TMTC2: variants seen among roughly 807,000 people sequenced by gnomAD.
TMTC2 encodes the protein transmembrane O-mannosyltransferase targeting cadherins 2, also known as protein O-mannosyl-transferase TMTC2.
Under a neutral mutation model 82.4 loss-of-function variants are expected in TMTC2, and 43 were observed. The ratio of observed to expected loss-of-function variants is 0.52; its 90% CI spans 0.41 to 0.67. The LOEUF (loss-of-function observed/expected upper bound fraction) is 0.67. Ranked by LOEUF, TMTC2 falls within the 30% of genes least tolerant of loss-of-function variation. The probability of loss-of-function intolerance (pLI) is 0.00; values close to 1 mark genes in which losing one functional copy is unlikely to be tolerated. For synonymous variants in TMTC2, 408 were observed against 381.9 expected (o/e 1.07, Z -0.80); for missense variants, 919 against 1,012.4 (o/e 0.91, Z 1.25).
intron 2 of TMTC2, among the ~76,000 whole-genome samples, chr12:82,892,002 G>T (rs1484966650): frequency 6.6e-6 from 1 of 152,102 alleles, no homozygotes; most frequent in Admixed American, 6.5e-5. Flanking sequence ...AGAGGTTGAG[G>T]CTGCAGTAAG....
intron 2 of TMTC2, 109 bp from the exon 3 acceptor site, chr12:82,895,709 C>T (rs1873627437): frequency 1.0e-6 from 1 of 968,934 alleles, no homozygotes; most frequent in Admixed American, 2.9e-5. Flanking sequence ...AGACATCATG[C>T]TGTGTTTTTA....
At chr12:83,077,968 C>G (rs141276271) in intron 11 of TMTC2, among the ~76,000 whole-genome samples, 68 of 151,292 alleles carry the variant, frequency 4.5e-4, no homozygotes, top group Non-Finnish European at 7.7e-4. Context: ...TCCTCCCCCC[C>G]ACAATACCTA....
intron 9 of TMTC2, among the ~76,000 whole-genome samples, chr12:83,046,851 C>T (rs7304787): frequency 0.073 from 11,118 of 152,184 alleles, 465 homozygotes; most frequent in Middle Eastern, 0.095. Flanking sequence ...CATATTGGGA[C>T]AATTCTGATT....
intron 1 of TMTC2, among the ~76,000 whole-genome samples, chr12:82,721,180 A>G (rs533296505): frequency 7.2e-5 from 11 of 152,306 alleles, no homozygotes; most frequent in African/African-American, 2.6e-4. Context: ...TTCCTCCTCC[A>G]TCCAGTTTCT....
chr12:82,710,361 C>T (rs1471858992), intron 1 of TMTC2, among the ~76,000 whole-genome samples: 2 of 152,158 alleles, frequency 1.3e-5, no homozygotes, highest in Non-Finnish European at 2.9e-5. Flanking sequence ...TTTTCTCCAA[C>T]AAATATTTAA....
chr12:82,988,977 C>G (rs1030900632), intron 8 of TMTC2, among the ~76,000 whole-genome samples: 12 of 150,418 alleles, frequency 8.0e-5, no homozygotes, highest in Non-Finnish European at 1.6e-4. Context: ...ATTAAAAAGA[C>G]TGGAACTAAA....
chr12:82,948,702 A>C (rs1877171204), intron 4 of TMTC2, among the ~76,000 whole-genome samples: 1 of 152,202 alleles, frequency 6.6e-6, no homozygotes, highest in Non-Finnish European at 1.5e-5. Context: ...TTATGTTTAA[A>C]GTGAGTGCAT....
rs1362047067 is a variant in TMTC2, at chr12:82,844,049, C to A, written c.84-12961C>A. On this transcript the variant is annotated intron_variant, in intron 1 of 11. Coordinates refer to ENST00000321196, the MANE Select transcript of TMTC2 (RefSeq NM_152588.3). ...CATCTGGATAATGCATCATGAATGTCTTTCCACTCCCAAGACTTCGTTTCC... is the reference window on the plus strand; with the variant it reads ...CATCTGGATAATGCATCATGAATGTATTTCCACTCCCAAGACTTCGTTTCC... 2.0e-5 allele frequency among the ~76,000 whole-genome samples: 3 copies of A among 152,330 alleles called. No individual in the cohort carries two copies. The East Asian group carries it at 5.8e-4, about 29-fold the overall frequency.
At chr12:83,123,384 T>C in intron 11 of TMTC2, among the ~76,000 whole-genome samples, 1 of 152,232 alleles carries the variant, frequency 6.6e-6, no homozygotes, top group Non-Finnish European at 1.5e-5. Flanking sequence ...AGAATTTGCC[T>C]TGCCATTGCT....
intron 8 of TMTC2, among the ~76,000 whole-genome samples, chr12:83,012,821 T>C (rs1592693769): frequency 6.6e-6 from 1 of 152,152 alleles, no homozygotes; most frequent in South Asian, 2.1e-4. Flanking sequence ...CTGACAGGTA[T>C]AACAGAATAC....
chr12:82,835,793 T>C (rs1819871446), intron 1 of TMTC2, among the ~76,000 whole-genome samples: 1 of 152,204 alleles, frequency 6.6e-6, no homozygotes, highest in South Asian at 2.1e-4. Context: ...TGTTGCTCCC[T>C]GCCCCTTGAG....
chr12:82,951,816 A>G (rs780262786), intron 4 of TMTC2, among the ~76,000 whole-genome samples: 1 of 152,222 alleles, frequency 6.6e-6, no homozygotes, highest in Non-Finnish European at 1.5e-5. Flanking sequence ...TTACATTTGC[A>G]TCCTCTATTA....
intron 4 of TMTC2, among the ~76,000 whole-genome samples, chr12:82,931,095 A>C (rs2137243977): frequency 6.6e-6 from 1 of 152,130 alleles, no homozygotes; most frequent in African/African-American, 2.4e-5. Context: ...TTTTTTGTAG[A>C]GATGTGGACT....
chr12:82,985,626 AATG>A (rs1376433096), intron 7 of TMTC2, among the ~76,000 whole-genome samples: 1 of 152,204 alleles, frequency 6.6e-6, no homozygotes, highest in Non-Finnish European at 1.5e-5. Flanking sequence ...AAGGAAAAGA[AATG>A]ATGATAAAGG....
At chr12:83,041,970 C>T (rs1297428726) in intron 9 of TMTC2, among the ~76,000 whole-genome samples, 1 of 152,170 alleles carries the variant, frequency 6.6e-6, no homozygotes, top group Non-Finnish European at 1.5e-5. Context: ...GAAACAGTTT[C>T]TCCAGTCTTA....
intron 2 of TMTC2, among the ~76,000 whole-genome samples, chr12:82,857,857 G>A (rs956020257): frequency 6.6e-6 from 1 of 152,148 alleles, no homozygotes; most frequent in Non-Finnish European, 1.5e-5. Flanking sequence ...ATTATTTATT[G>A]AGTTCTTATT....
In TMTC2 at chr12:82,831,021, T is replaced by G. The variant is rs535467731; in HGVS notation, c.84-25989T>G. On this transcript the variant is annotated intron_variant, in intron 1 of 11. Coordinates refer to ENST00000321196, the MANE Select transcript of TMTC2 (RefSeq NM_152588.3). ...TTAGAGGTAGGTTAAAACAATATTCTGTCTCACTTCTAAAAGAGAAAACAT... is the reference window on the plus strand; with the variant it reads ...TTAGAGGTAGGTTAAAACAATATTCGGTCTCACTTCTAAAAGAGAAAACAT... Among the ~76,000 whole-genome samples the G allele has an allele frequency of 5.9e-5, 9 of 152,326 alleles. No homozygotes were observed. The East Asian group carries it at 1.5e-3, about 26-fold the overall frequency.
At chr12:82,852,994 T>C (rs898333733) in intron 1 of TMTC2, among the ~76,000 whole-genome samples, 5 of 152,246 alleles carry the variant, frequency 3.3e-5, no homozygotes, top group Non-Finnish European at 7.3e-5. Flanking sequence ...TCTCCCTTAG[T>C]ATAGTATGTT....
intron 1 of TMTC2, among the ~76,000 whole-genome samples, chr12:82,821,023 T>C (rs1222559769): frequency 1.3e-5 from 2 of 151,892 alleles, no homozygotes; most frequent in Non-Finnish European, 2.9e-5. Flanking sequence ...TGTGCCTGGA[T>C]AATTTTTTTT....
Sources: gnomAD v4.1 joint callset for allele counts (sites outside exome capture counted in the v4.1 genomes callset) on GRCh38, gnomAD v4.1.1 for gene constraint, MANE v1.5 for transcripts, NCBI Gene and HGNC (gene_info 2026-07-23, HGNC 2026-07-21) for gene names.